KCTD1: variants seen among roughly 807,000 people sequenced by gnomAD.
KCTD1 encodes the protein potassium channel tetramerization domain containing 1.
KCTD1 carries 24 observed loss-of-function variants against 66.0 expected under a neutral mutation model. The ratio of observed to expected loss-of-function variants is 0.36; its 90% confidence interval spans 0.26 to 0.51. The LOEUF (loss-of-function observed/expected upper bound fraction) is 0.51. KCTD1 is among the 20% of genes least tolerant of loss of function. The pLI, the probability that KCTD1 is intolerant of heterozygous loss-of-function variation, is 0.95. For synonymous variants in KCTD1, 511 were observed against 517.2 expected, an observed-to-expected ratio of 0.99 and a Z score of 0.16; for missense variants, 943 against 1,205.2, an observed-to-expected ratio of 0.78 and a Z score of 3.22.
chr18:26,635,252 T>G (rs1196969766), intron 1 of KCTD1, among the ~76,000 whole-genome samples: 1 of 152,244 alleles, frequency 6.6e-6, no homozygotes, highest in Non-Finnish European at 1.5e-5. Context: ...GCAAAACCTG[T>G]GCATCTCAAA....
intron 1 of KCTD1, among the ~76,000 whole-genome samples, chr18:26,582,375 G>T (rs563273658): frequency 6.6e-6 from 1 of 152,026 alleles, no homozygotes; most frequent in South Asian, 2.1e-4. Flanking sequence ...ACTCATAAGA[G>T]AAAAGCAAAT....
chr18:26,530,870 C>G (rs1984403320), intron 1 of KCTD1, among the ~76,000 whole-genome samples: 1 of 152,132 alleles, frequency 6.6e-6, no homozygotes, highest in South Asian at 2.1e-4. Context: ...TTCATCTTTT[C>G]AAACAAGGGT....
At chr18:26,550,923 C>T (rs1038056456), upstream of KCTD1, among the ~76,000 whole-genome samples, 13 of 152,194 alleles carry the variant, frequency 8.5e-5, no homozygotes, top group Non-Finnish European at 1.8e-4. The surrounding 1 kb of genome is among the most constrained non-coding windows in gnomAD (Gnocchi z 5.4). Flanking sequence ...AGTTACCTAC[C>T]AGGGGCTGTT....
chr18:26,631,030 A>T (rs1987607863), upstream of KCTD1, among the ~76,000 whole-genome samples: 1 of 152,222 alleles, frequency 6.6e-6, no homozygotes, highest in Non-Finnish European at 1.5e-5. Context: ...ATACTATTCT[A>T]GTTACCTGTC....
chr18:26,626,177 AC>A (rs1159788915), intron 1 of KCTD1, among the ~76,000 whole-genome samples: 2 of 150,324 alleles, frequency 1.3e-5, no homozygotes, highest in Admixed American at 1.3e-4. Context: ...AAAAAAAAAA[AC>A]CTTTTATTGT....
At chr18:26,655,897 C>T (rs548810084) in intron 1 of KCTD1, 3 of 152,376 alleles carry the variant, frequency 2.0e-5, no homozygotes, top group South Asian at 4.1e-4. Flanking sequence ...CTCGACCTCA[C>T]TTTTAACGCG....
chr18:26,596,441 T>C (rs1314489629), intron 1 of KCTD1, among the ~76,000 whole-genome samples: 2 of 152,116 alleles, frequency 1.3e-5, no homozygotes, highest in Non-Finnish European at 1.5e-5. Flanking sequence ...TAAATTTCTG[T>C]TGTTTAAGTC....
intron 1 of KCTD1, among the ~76,000 whole-genome samples, chr18:26,579,814 C>G (rs1368854777): frequency 6.6e-6 from 1 of 152,116 alleles, no homozygotes. Context: ...AAAACTGAAG[C>G]CATTTCTTCA....
intron 1 of KCTD1, among the ~76,000 whole-genome samples, chr18:26,510,191 G>A (rs1983265752): frequency 6.6e-6 from 1 of 152,150 alleles, no homozygotes; most frequent in Admixed American, 6.5e-5. Context: ...ATTACATTGT[G>A]GGGTGCAGAT....
intron 3 of KCTD1, among the ~76,000 whole-genome samples, chr18:26,471,057 T>C (rs1273429383): frequency 6.6e-6 from 1 of 152,140 alleles, no homozygotes; most frequent in East Asian, 1.9e-4. Flanking sequence ...AAGCCATGGC[T>C]GCTCATTTCT....
At chr18:26,599,074 C>T (rs902136907) in intron 1 of KCTD1, among the ~76,000 whole-genome samples, 3 of 152,036 alleles carry the variant, frequency 2.0e-5, no homozygotes, top group Non-Finnish European at 4.4e-5. Flanking sequence ...TTGACAAATC[C>T]AAGATCACAA....
chr18:26,649,335 A>G (rs773912358), intron 1 of KCTD1, among the ~76,000 whole-genome samples: 1 of 152,150 alleles, frequency 6.6e-6, no homozygotes, highest in African/African-American at 2.4e-5. Context: ...CTTATGGTCC[A>G]TATCTCTGGG....
At chr18:26,460,137 AG>A (rs1176326484) in intron 3 of KCTD1, among the ~76,000 whole-genome samples, 1 of 152,188 alleles carries the variant, frequency 6.6e-6, no homozygotes, top group East Asian at 1.9e-4. Context: ...TGAGTAGATT[AG>A]GGCTGGTCAG....
chr18:26,522,717 TAATA>T, intron 1 of KCTD1, among the ~76,000 whole-genome samples: 1 of 152,132 alleles, frequency 6.6e-6, no homozygotes, highest in South Asian at 2.1e-4. Flanking sequence ...CATGAACTAA[TAATA>T]AAAAGTTAGT....
At chr18:26,593,307 A>AGGAAGAGGAGG (rs1986654484) in intron 1 of KCTD1, among the ~76,000 whole-genome samples, 1 of 90,024 alleles carries the variant, frequency 1.1e-5, no homozygotes, top group African/African-American at 4.2e-5. Flanking sequence ...ATATGAGGAG[A>AGGAAGAGGAGG]AGGAAGAGGA....
chr18:26,522,442 C>T (rs1039248303), intron 1 of KCTD1, among the ~76,000 whole-genome samples: 2 of 152,186 alleles, frequency 1.3e-5, no homozygotes, highest in Non-Finnish European at 2.9e-5. Context: ...GAACCAACCA[C>T]GCCGACGACC....
At chr18:26,631,235 G>A (rs1987611629), upstream of KCTD1, among the ~76,000 whole-genome samples, 1 of 152,172 alleles carries the variant, frequency 6.6e-6, no homozygotes, top group Admixed American at 6.5e-5. Flanking sequence ...TTACATTCAT[G>A]TATCACTTAA....
intron 2 of KCTD1, among the ~76,000 whole-genome samples, chr18:26,481,366 G>A (rs1981638737): frequency 6.6e-6 from 1 of 152,194 alleles, no homozygotes; most frequent in Non-Finnish European, 1.5e-5. Context: ...GCCAGGTACA[G>A]GGGCAGGAGG....
intron 3 of KCTD1, among the ~76,000 whole-genome samples, chr18:26,462,933 T>C (rs1171576120): frequency 6.6e-6 from 1 of 152,230 alleles, no homozygotes; most frequent in Non-Finnish European, 1.5e-5. Flanking sequence ...CTGGGGCTTT[T>C]ACAAACTCGA....
Sources: allele counts gnomAD v4.1 joint callset (sites outside exome capture counted in the v4.1 genomes callset), GRCh38; gene constraint gnomAD v4.1.1; non-coding constraint Gnocchi (gnomAD v3.1); transcripts MANE v1.5; gene names NCBI Gene and HGNC (gene_info 2026-07-23, HGNC 2026-07-21).